Variants in DPH6 observed in about 807,000 individuals in gnomAD.
DPH6 encodes the protein diphthamine biosynthesis 6, also known as diphthine--ammonia ligase.
DPH6 carries 33 observed loss-of-function variants against 38.2 expected under a neutral mutation model. That is an observed-to-expected ratio of 0.86 (90% CI 0.65 to 1.15). The LOEUF is 1.15. Among genes scored for constraint, DPH6 ranks in the 50% most tolerant of loss-of-function variants. The probability of loss-of-function intolerance (pLI) is 0.00; values close to 1 mark genes in which losing one functional copy is unlikely to be tolerated. For missense variants in DPH6, 325 were observed against 320.0 expected, an observed-to-expected ratio of 1.02 and a Z score of -0.12; for synonymous variants, 108 against 103.0, an observed-to-expected ratio of 1.05 and a Z score of -0.30.
intron 5 of DPH6, among the ~76,000 whole-genome samples, chr15:35,444,388 T>A: frequency 1.3e-5 from 2 of 152,304 alleles, no homozygotes; most frequent in Middle Eastern, 6.8e-3. Context: ...ACTTCGGCCA[T>A]TGGAGAACAA....
chr15:35,279,270 A>C (rs2051881796), intron 3 of DPH6, among the ~76,000 whole-genome samples: 1 of 151,856 alleles, frequency 6.6e-6, no homozygotes, highest in Non-Finnish European at 1.5e-5. Flanking sequence ...GGAAAGAACT[A>C]ATCTCCAGAC....
intron 3 of DPH6, chr15:35,282,714 C>T (rs896647556): frequency 1.1e-4 from 41 of 369,562 alleles, no homozygotes; most frequent in Non-Finnish European, 1.8e-4. Context: ...CCATGCCTTA[C>T]GTGGGAAGGA....
At chr15:35,505,147 T>C (rs1026575775) in intron 3 of DPH6, among the ~76,000 whole-genome samples, 1 of 152,126 alleles carries the variant, frequency 6.6e-6, no homozygotes, top group African/African-American at 2.4e-5. Context: ...CATGTTCAAC[T>C]GCGTATAAGT....
intron 5 of DPH6, among the ~76,000 whole-genome samples, chr15:35,428,189 A>G (rs953635986): frequency 6.6e-6 from 1 of 152,070 alleles, no homozygotes; most frequent in Non-Finnish European, 1.5e-5. Flanking sequence ...TTTTTTATGT[A>G]TTTAAATGAG....
chr15:35,330,878 A>C (rs2052322172), exon 4 of DPH6: 1 of 152,090 alleles, frequency 6.6e-6, no homozygotes, highest in African/African-American at 2.4e-5. Flanking sequence ...AAATAAATAA[A>C]CCTGTTAATT....
At chr15:35,260,947 T>C (rs1014616969) in intron 3 of DPH6, among the ~76,000 whole-genome samples, 5 of 152,342 alleles carry the variant, frequency 3.3e-5, no homozygotes, top group Admixed American at 3.3e-4. Context: ...GTCTTTCCAT[T>C]TATTTTATGT....
chr15:35,498,148 GA>G (rs2054581090), intron 3 of DPH6, among the ~76,000 whole-genome samples: 1 of 152,070 alleles, frequency 6.6e-6, no homozygotes, highest in African/African-American at 2.4e-5. Context: ...CCTCAGTTCT[GA>G]AATTAAAAAA....
intron 3 of DPH6, among the ~76,000 whole-genome samples, chr15:35,270,650 A>T (rs1456645329): frequency 6.6e-6 from 1 of 152,188 alleles, no homozygotes; most frequent in East Asian, 1.9e-4. Context: ...AACCTAAGTT[A>T]TTTCCCTAAT....
At chr15:35,458,351 G>A (rs916485393) in intron 3 of DPH6, among the ~76,000 whole-genome samples, 4 of 151,974 alleles carry the variant, frequency 2.6e-5, no homozygotes, top group East Asian at 3.9e-4. Flanking sequence ...CCCTTGACAC[G>A]CAACTCTAGG....
intron 7 of DPH6, among the ~76,000 whole-genome samples, chr15:35,375,467 T>C (rs2052767788): frequency 6.6e-6 from 1 of 152,096 alleles, no homozygotes; most frequent in African/African-American, 2.4e-5. Context: ...ATCACAGTGA[T>C]ACTCAAATTT....
chr15:35,375,416 A>G (rs1344129288), intron 7 of DPH6, among the ~76,000 whole-genome samples: 1 of 152,106 alleles, frequency 6.6e-6, no homozygotes, highest in African/African-American at 2.4e-5. Flanking sequence ...AGTTTCAAGC[A>G]GAATAATACC....
At chr15:35,199,550 G>A in the DPH6 span, among the ~76,000 whole-genome samples, 3 of 152,160 alleles carry the variant, frequency 2.0e-5, no homozygotes, top group East Asian at 5.8e-4. Context: ...TCATTTAACT[G>A]CTATGCATTT....
At chr15:35,484,762 A>C (rs1450003782) in intron 3 of DPH6, among the ~76,000 whole-genome samples, 4 of 152,246 alleles carry the variant, frequency 2.6e-5, no homozygotes, top group Non-Finnish European at 5.9e-5. Context: ...AAGGGCATGA[A>C]TACCAGGAAG....
At chr15:35,347,484 A>ATTTTTTTTTT in intron 3 of DPH6, among the ~76,000 whole-genome samples, 1 of 149,582 alleles carries the variant, frequency 6.7e-6, no homozygotes. Context: ...TGAAGACTGA[A>ATTTTTTTTTT]TAACACTCCA....
chr15:35,330,554 G>A (rs938847029), downstream of DPH6, among the ~76,000 whole-genome samples: 1 of 152,116 alleles, frequency 6.6e-6, no homozygotes, highest in African/African-American at 2.4e-5. Context: ...AGCAGGAACA[G>A]CTTTCTGAAA....
At chr15:35,442,349 A>T (rs1334645722) in intron 5 of DPH6, among the ~76,000 whole-genome samples, 1 of 152,206 alleles carries the variant, frequency 6.6e-6, no homozygotes, top group East Asian at 1.9e-4. Flanking sequence ...ATTCACCATG[A>T]TAGCTATAAG....
At position 35,421,280 on chromosome 15, in the gene DPH6, TCTAAA is replaced by T. The variant is rs1229714686; in HGVS notation, c.506-10389_506-10385del. ...CTAACATTGAAGAAGAGGGAATACT[TCTAAA>T]CTAATTTTACAAGGCCAGAAATATT... On this transcript the variant is annotated intron_variant, in intron 5 of 8. Coordinates refer to ENST00000256538, the MANE Select transcript of DPH6 (RefSeq NM_080650.4). 2.0e-5 allele frequency among the ~76,000 whole-genome samples: 3 copies of T among 152,288 alleles called. No individual in the cohort carries two copies. The East Asian group carries it at 5.8e-4, about 29-fold the overall frequency.
At chr15:35,435,023 C>A (rs1433079950) in intron 5 of DPH6, among the ~76,000 whole-genome samples, 1 of 152,040 alleles carries the variant, frequency 6.6e-6, no homozygotes, top group African/African-American at 2.4e-5. Context: ...ATTTGCCCAC[C>A]TGAGCCTCCC....
intron 3 of DPH6, chr15:35,522,312 A>T: frequency 6.2e-7 from 1 of 1,602,816 alleles, no homozygotes; most frequent in Non-Finnish European, 8.5e-7. Context: ...CGTGGCAATC[A>T]GAGGTTTAGG....
Sources: allele counts gnomAD v4.1 joint callset (sites outside exome capture counted in the v4.1 genomes callset), GRCh38; gene constraint gnomAD v4.1.1; transcripts MANE v1.5; gene names NCBI Gene and HGNC (gene_info 2026-07-23, HGNC 2026-07-21).